Variants in LAIR1 observed in about 807,000 individuals in gnomAD.
LAIR1 encodes the protein leukocyte associated immunoglobulin like receptor 1.
Under a neutral mutation model 32.8 loss-of-function variants are expected in LAIR1, and 24 were observed. The ratio of observed to expected loss-of-function variants is 0.73; its 90% CI spans 0.53 to 1.03. The LOEUF is 1.03. Ranked by LOEUF, LAIR1 falls within the 50% of genes least tolerant of loss-of-function variation. The pLI, the probability that LAIR1 is intolerant of heterozygous loss-of-function variation, is 0.00. For synonymous variants in LAIR1, 150 were observed against 140.5 expected (o/e 1.07, Z -0.48); for missense variants, 355 against 347.5 (o/e 1.02, Z -0.17).
chr19:54,369,540 A>C (rs2082352296), upstream of LAIR1, among the ~76,000 whole-genome samples: 1 of 151,382 alleles, frequency 6.6e-6, no homozygotes, highest in Non-Finnish European at 1.5e-5. Context: ...CATTCCTCTA[A>C]GACCTTTCCT....
rs1163895839 is a variant in LAIR1, at chr19:54,356,544, C to T, written c.530G>A (p.Cys177Tyr). 1 of 1,613,802 alleles carries T rather than the reference C, an allele frequency of 6.2e-7. No homozygotes were observed. Among genetic ancestry groups the T allele is most frequent in the East Asian group, 2.2e-5 (1 of 44,890 alleles). ...LIGVSVVFLF[C>Y]LLLLVLFCLH... ...GCAGAAGAGGACCAGGAGGAGGAGACAGAAGAGGAAGACCACTGAGACCCC... is the reference window on the plus strand; with the variant it reads ...GCAGAAGAGGACCAGGAGGAGGAGATAGAAGAGGAAGACCACTGAGACCCC... The change falls in exon 6 of 10, where the codon TGT becomes TAT. Residue 177 changes from cysteine to tyrosine, a missense_variant. Physicochemically the swap from Cys to Tyr is radical, Grantham distance 194. Coordinates refer to ENST00000391742, the MANE Select transcript of LAIR1 (RefSeq NM_002287.6).
At chr19:54,360,447 C>T (rs1404268671) in intron 3 of LAIR1, among the ~76,000 whole-genome samples, 3 of 151,448 alleles carry the variant, frequency 2.0e-5, no homozygotes, top group Non-Finnish European at 3.0e-5. Flanking sequence ...AGCACTGTCC[C>T]GCCCTGGTCA....
At position 54,361,162 on chromosome 19, in the gene LAIR1, G is replaced by A. The variant is rs527661866; in HGVS notation, c.118C>T (p.Pro40Ser). The change falls in exon 3 of 10, where the codon CCC (proline) becomes TCC (serine). Residue 40 changes from proline (P) to serine (S), a missense_variant. Physicochemically the swap from Pro to Ser is moderately conservative, Grantham distance 74. Transcript: ENST00000391742. ...ACGAAAGTCACATGGCTCCCCAGGG[G>A]GATCACGGTGCCTGGCTCAGCCGAG... The part of the protein sequence containing the change: ...SISAEPGTVI[P>S]LGSHVTFVCR... 199 of 1,614,200 alleles carry A rather than the reference G, an allele frequency of 1.2e-4. 6 individuals are homozygous for A. In the South Asian group the frequency reaches 1.9e-3, roughly 15 times the overall value.
chr19:54,362,087 T>C (rs918057208), intron 2 of LAIR1, among the ~76,000 whole-genome samples: 1 of 152,040 alleles, frequency 6.6e-6, no homozygotes, highest in Non-Finnish European at 1.5e-5. Context: ...AACATGATGT[T>C]TTGATACAGG....
intron 4 of LAIR1, among the ~76,000 whole-genome samples, chr19:54,358,976 C>T (rs997972724): frequency 3.3e-5 from 5 of 151,452 alleles, no homozygotes; most frequent in Admixed American, 2.0e-4. Flanking sequence ...GAAACAGAGG[C>T]AAGATATTCC....
upstream of LAIR1, among the ~76,000 whole-genome samples, chr19:54,375,387 G>T (rs557998913): frequency 6.6e-6 from 1 of 152,186 alleles, no homozygotes; most frequent in Non-Finnish European, 1.5e-5. Context: ...GATGCGGTGC[G>T]CAGAGACTCA....
At chr19:54,358,099 T>C (rs2081815398) in intron 4 of LAIR1, 1 of 145,878 alleles carries the variant, frequency 6.9e-6, no homozygotes, top group Non-Finnish European at 1.5e-5. Context: ...TTATAACTTA[T>C]AATATATGTT....
upstream of LAIR1, among the ~76,000 whole-genome samples, chr19:54,372,803 C>T (rs1260204487): frequency 6.6e-6 from 1 of 151,308 alleles, no homozygotes; most frequent in Admixed American, 6.6e-5. Flanking sequence ...ATAAACTTCT[C>T]TAAATCTAAA....
rs1387854623 is a variant in LAIR1 at position 54,351,907 on chromosome 19, C to G, written c.*3361G>C. ...AAAAAAAAGAAAAAAAAAGTCCACC[C>G]TATAGTTTGTATAACAAACATTCTC... On this transcript the variant is annotated 3_prime_UTR_variant, in exon 10 of 10. Transcript: ENST00000391742. 1 of 152,142 alleles carries G rather than the reference C, an allele frequency of 6.6e-6. No individual in the cohort carries two copies. Among genetic ancestry groups the G allele is most frequent in the Non-Finnish European group, 1.5e-5 (1 of 68,036 alleles). 9.4% of individuals were successfully genotyped at this position (152,142 alleles called of 1,614,324 possible). A position where few individuals can be genotyped will look rare whatever the true frequency, so the allele number is the denominator to read the frequency against.
chr19:54,358,518 TA>T lies in LAIR1; in HGVS notation c.415+1503del. 4.4e-6 allele frequency: 7 copies of T among 1,603,320 alleles called. No homozygotes were observed. In the South Asian group the frequency reaches 7.7e-5, roughly 18 times the overall value. On this transcript the variant is annotated intron_variant, in intron 4 of 9. Transcript: ENST00000391742. ...GCATGTATGGGAATCAGTGCATTTC[TA>T]TTGCTCATTCTAACTATTTCTCCCC...
rs181940756 is a variant in LAIR1 at position 54,364,380 on chromosome 19, C to T, written c.35-50G>A. ...AAATGCCCAGTGCCCAGTCTCCTTA[C>T]GGGGCTGCTGTCAAAAGGGGGCTCG... On this transcript the variant is annotated intron_variant, in intron 1 of 9. Coordinates refer to ENST00000391742, the MANE Select transcript of LAIR1 (RefSeq NM_002287.6). The surrounding 1 kb of genome is among the most constrained non-coding windows in gnomAD (Gnocchi z 4.8). 1.7e-3 allele frequency: 2,770 copies of T among 1,613,396 alleles called. 51 individuals carry two copies. Among genetic ancestry groups the T allele is most frequent in the South Asian group, 1.9e-3 (177 of 91,052 alleles).
chr19:54,357,037 C>T, intron 4 of LAIR1, 71 bp from the exon 5 acceptor site: 1 of 1,447,980 alleles, frequency 6.9e-7, no homozygotes, highest in South Asian at 1.2e-5. Flanking sequence ...TGAGTCCTCC[C>T]ACATCCACTG....
Position 54,370,366 on chromosome 19 carries a change from A to T in LAIR1, c.-89T>A, listed in dbSNP as rs1008816557. 48 of 1,101,252 alleles carry T rather than the reference A, an allele frequency of 4.4e-5. No individual in the cohort carries two copies. The African/African-American group carries it at 6.1e-4, about 14-fold the overall frequency. The allele number at this position is 1,101,252 out of a possible 1,614,324, so 68.2% of individuals were successfully genotyped here. A position where few individuals can be genotyped will look rare whatever the true frequency, so the allele number is the denominator to read the frequency against. ...CCGACCTGTGCCTGGCTTTGTCCTGAATATTAGCCTTGGCAGCCTGGCCTG... is the reference window on the plus strand; with the variant it reads ...CCGACCTGTGCCTGGCTTTGTCCTGTATATTAGCCTTGGCAGCCTGGCCTG... On this transcript the variant is annotated 5_prime_UTR_variant, in exon 1 of 9. Coordinates refer to the LAIR1 transcript ENST00000391743.
At position 54,358,376 on chromosome 19, in the gene LAIR1, TTA is replaced by T. The variant is rs957460325; in HGVS notation, c.416-1412_416-1411del. The T allele has an allele frequency of 7.6e-4, 125 of 164,280 alleles. 5 individuals are homozygous for T. Among genetic ancestry groups the T allele is most frequent in the African/African-American group, 4.1e-3 (95 of 23,266 alleles). The allele number at this position is 164,280 out of a possible 1,614,324, so 10.2% of individuals were successfully genotyped here. ...ATGTTTTATTATATAATTATCTTCC[TTA>T]TATATATAATATATATATAATATAT... On this transcript the variant is annotated intron_variant, in intron 4 of 9. Coordinates refer to ENST00000391742, the MANE Select transcript of LAIR1 (RefSeq NM_002287.6).
chr19:54,375,154 C>T (rs543687287), upstream of LAIR1, among the ~76,000 whole-genome samples: 3 of 152,346 alleles, frequency 2.0e-5, no homozygotes, highest in Admixed American at 6.5e-5. Context: ...CAATGCCGTC[C>T]CGCCGTCATC....
In LAIR1 at chr19:54,356,959, C is replaced by T. The variant is rs201544849; in HGVS notation, c.423G>A (p.Thr141=). The T allele has an allele frequency of 6.8e-6, 11 of 1,613,690 alleles. No individual in the cohort carries two copies. The African/African-American group carries it at 8.0e-5, about 12-fold the overall frequency. The change falls in exon 5 of 10, where the codon ACG becomes ACA. Residue 141 remains threonine (T), a synonymous_variant. Coordinates refer to ENST00000391742, the MANE Select transcript of LAIR1 (RefSeq NM_002287.6). The stretch of plus-strand genomic sequence containing the variant: ...TGTGACTGTTGTCCGACGGCCTCTG[C>T]GTGGGTCCTGGGAGGGAGGAATCAG... ...DTEPGSSAGP[T]QRPSDNSHNE...
chr19:54,367,043 C>T (rs201861587), upstream of LAIR1, among the ~76,000 whole-genome samples: 1 of 152,118 alleles, frequency 6.6e-6, no homozygotes, highest in Non-Finnish European at 1.5e-5. Context: ...GAGGGAGTCA[C>T]GTGCTGTACC....
Position 54,355,493 on chromosome 19 carries a change from G to A in LAIR1, c.718-79C>T, listed in dbSNP as rs1035259621. The A allele has an allele frequency of 2.3e-5, 31 of 1,347,042 alleles. No individual in the cohort carries two copies. The highest frequency in any genetic ancestry group is 2.5e-4 in the Middle Eastern group (1 of 4,050). 83.4% of individuals were successfully genotyped at this position (1,347,042 alleles called of 1,614,324 possible). A position where few individuals can be genotyped will look rare whatever the true frequency, so the allele number is the denominator to read the frequency against. The stretch of plus-strand genomic sequence containing the variant: ...GGCTGTGGGGAGGGAGGGCTGTGGC[G>A]GCCATCTCCATGGGCCCTGAGGACC... On this transcript the variant is annotated intron_variant, in intron 9 of 9. Coordinates refer to ENST00000391742, the MANE Select transcript of LAIR1 (RefSeq NM_002287.6). This position sits in a 1 kb window ranked among gnomAD's most constrained non-coding sequence, Gnocchi z 4.7.
upstream of LAIR1, among the ~76,000 whole-genome samples, chr19:54,367,746 A>C (rs1458765611): frequency 7.0e-6 from 1 of 143,406 alleles, no homozygotes; most frequent in Non-Finnish European, 1.5e-5. Flanking sequence ...ACTCCATCTA[A>C]AAAAATATAT....
Sources: allele counts gnomAD v4.1 joint callset (sites outside exome capture counted in the v4.1 genomes callset), GRCh38; gene constraint gnomAD v4.1.1; non-coding constraint Gnocchi (gnomAD v3.1); transcripts MANE v1.5; gene names NCBI Gene and HGNC (gene_info 2026-07-23, HGNC 2026-07-21).